CRACR2A: variants seen among roughly 807,000 people sequenced by gnomAD.
The protein encoded by CRACR2A is calcium release activated channel regulator 2A.
CRACR2A carries 79 observed loss-of-function variants against 90.5 expected under a neutral mutation model. The observed-to-expected ratio is 0.87, with a 90% CI of 0.73 to 1.05. CRACR2A has a LOEUF of 1.05. CRACR2A is among the 50% of genes least tolerant of loss of function. The probability of loss-of-function intolerance (pLI) is 0.00; values close to 1 mark genes in which losing one functional copy is unlikely to be tolerated. For missense variants in CRACR2A, 823 were observed against 897.2 expected, an observed-to-expected ratio of 0.92 and a Z score of 1.06; for synonymous variants, 338 against 356.7, an observed-to-expected ratio of 0.95 and a Z score of 0.59.
intron 18 of CRACR2A, among the ~76,000 whole-genome samples, chr12:3,617,835 G>A (rs951335944): frequency 2.6e-5 from 4 of 152,136 alleles, no homozygotes; most frequent in Admixed American, 1.3e-4. Flanking sequence ...GGACAGTTCT[G>A]TGGCTGTAGC....
At chr12:3,680,060 G>A (rs756214222) in intron 5 of CRACR2A, among the ~76,000 whole-genome samples, 178 bp downstream of exon 5, 7 of 152,302 alleles carry the variant, frequency 4.6e-5, no homozygotes, top group African/African-American at 1.2e-4. Flanking sequence ...CAGTTGAGAC[G>A]GGCATGTGAG....
At chr12:3,720,225 A>AAAAGAAAGAAAG (rs757788405) in intron 2 of CRACR2A, among the ~76,000 whole-genome samples, 1,776 of 125,518 alleles carry the variant, frequency 0.014, 28 homozygotes, top group East Asian at 0.024. Flanking sequence ...AGAAGAAAGA[A>AAAAGAAAGAAAG]AAAGAAAGAA....
rs758755969 is a variant in CRACR2A, at chr12:3,638,207, C to G, written c.1519G>C (p.Gly507Arg). The G allele has an allele frequency of 1.5e-5, 24 of 1,551,464 alleles. 1 individual carries two copies. The South Asian group carries it at 2.7e-4, about 18-fold the overall frequency. Reference sequence around the variant, plus strand: ...AAGGGTGGGGCCTCCGGGATTTGTCCCTGTACCCCCTGGTCAGAGACCTCT... The same window carrying G: ...AAGGGTGGGGCCTCCGGGATTTGTCGCTGTACCCCCTGGTCAGAGACCTCT... Reference protein sequence around the residue: ...EEEVSDQGVQGQIPEAPPLKL... With the variant: ...EEEVSDQGVQRQIPEAPPLKL... The change falls in exon 14 of 20, where the codon GGA becomes CGA. Residue 507 changes from glycine to arginine, a missense_variant. Transcript: ENST00000440314.
At chr12:3,683,224 T>C (rs959550069) in intron 4 of CRACR2A, among the ~76,000 whole-genome samples, 3 of 152,208 alleles carry the variant, frequency 2.0e-5, no homozygotes, top group African/African-American at 7.2e-5. Context: ...TGATTTTCCA[T>C]CCAGGGCTTG....
chr12:3,659,635 C>A lies in CRACR2A; in HGVS notation c.691G>T (p.Glu231Ter). ...ALKRKIAAYD[E>*]EIQHLYEEME... ...TCCTCATAGAGATGCTGGATTTCTTCATCATAAGCAGCAATTTTCCTACAG... is the reference window on the plus strand; with the variant it reads ...TCCTCATAGAGATGCTGGATTTCTTAATCATAAGCAGCAATTTTCCTACAG... Residue 231 changes from glutamate (E) to a stop codon, truncating the protein, a stop_gained, in exon 8 of 20, where the codon GAA becomes TAA. Transcript: ENST00000440314. LOFTEE classifies it high-confidence loss of function. 6.2e-7 allele frequency: 1 copy of A among 1,614,164 alleles called. No homozygotes were observed. The highest frequency in any genetic ancestry group is 8.5e-7 in the Non-Finnish European group (1 of 1,180,016).
chr12:3,616,421 C>T (rs1867684281), intron 19 of CRACR2A, among the ~76,000 whole-genome samples: 1 of 152,180 alleles, frequency 6.6e-6, no homozygotes, highest in African/African-American at 2.4e-5. Context: ...TTGGTGTAGG[C>T]AGGGCCTTAA....
At position 3,705,377 on chromosome 12, in the gene CRACR2A, C is replaced by A. The variant is rs1443517953; in HGVS notation, c.-37+7860G>T. ...CAATCAGAAAGTTCGTAGATCAAACCTAAATCCCTCCTAAGGGTTCTAAGC... is the reference window on the plus strand; with the variant it reads ...CAATCAGAAAGTTCGTAGATCAAACATAAATCCCTCCTAAGGGTTCTAAGC... On this transcript the variant is annotated intron_variant, in intron 3 of 19. Coordinates refer to ENST00000440314, the MANE Select transcript of CRACR2A (RefSeq NM_001144958.2). Among the ~76,000 whole-genome samples, 5 of 152,196 alleles carry A rather than the reference C, an allele frequency of 3.3e-5. 1 individual carries two copies. The highest frequency in any genetic ancestry group is 1.3e-4 in the Admixed American group (2 of 15,288).
At chr12:3,662,628 C>T (rs1287498167) in intron 7 of CRACR2A, among the ~76,000 whole-genome samples, 1 of 152,182 alleles carries the variant, frequency 6.6e-6, no homozygotes, top group African/African-American at 2.4e-5. Flanking sequence ...AAAAGGCCTG[C>T]TGGGTTTGGA....
chr12:3,632,034 G>A (rs1309991563), intron 15 of CRACR2A, among the ~76,000 whole-genome samples: 1 of 152,118 alleles, frequency 6.6e-6, no homozygotes, highest in Non-Finnish European at 1.5e-5. Context: ...GGGCCTGGAG[G>A]GAGGTGACTG....
chr12:3,747,270 T>A (rs1946640310), intron 1 of CRACR2A, among the ~76,000 whole-genome samples: 1 of 152,172 alleles, frequency 6.6e-6, no homozygotes, highest in Admixed American at 6.5e-5. Context: ...GGGAGGATGA[T>A]CATAACAGTG....
At chr12:3,644,462 G>A (rs1187274924) in intron 12 of CRACR2A, 133 bp downstream of exon 12, 6 of 940,440 alleles carry the variant, frequency 6.4e-6, no homozygotes, top group South Asian at 4.3e-5. Context: ...TTTGCAAAAC[G>A]TTTTCATGCC....
At chr12:3,620,802 A>C (rs1257404660) in intron 17 of CRACR2A, among the ~76,000 whole-genome samples, 1 of 152,268 alleles carries the variant, frequency 6.6e-6, no homozygotes, top group Non-Finnish European at 1.5e-5. Flanking sequence ...AGGCGCTACA[A>C]GATCTTACAG....
intron 3 of CRACR2A, among the ~76,000 whole-genome samples, chr12:3,712,555 G>A (rs929899980): frequency 5.9e-5 from 9 of 152,126 alleles, no homozygotes; most frequent in Non-Finnish European, 1.2e-4. Context: ...ACTATGGTAA[G>A]TACAGCACCA....
At chr12:3,735,870 C>T (rs775789798) in intron 1 of CRACR2A, among the ~76,000 whole-genome samples, 2 of 152,126 alleles carry the variant, frequency 1.3e-5, no homozygotes. Flanking sequence ...TCACAGCAGG[C>T]CTTCCTTGTG....
Position 3,619,308 on chromosome 12 carries a change from C to T in CRACR2A, c.1997G>A (p.Arg666Gln), listed in dbSNP as rs745311292. 1.2e-5 allele frequency: 18 copies of T among 1,551,540 alleles called. No homozygotes were observed. Among genetic ancestry groups the T allele is most frequent in the Middle Eastern group, 1.7e-4 (1 of 6,014 alleles). ...CTCTCCGAGGCCCCGGGGGACTTCC[C>T]GCTCCTTCTCGTTGTCAAGCTTATT... ...LGNKLDNEKE[R>Q]EVPRGLGEQL... The change falls in exon 18 of 20, where the codon CGG becomes CAG. Residue 666 changes from arginine (R) to glutamine (Q), a missense_variant. Transcript: ENST00000440314.
At position 3,615,417 on chromosome 12, in the gene CRACR2A, T is replaced by C. The variant is rs11062745; in HGVS notation, c.2134A>G (p.Thr712Ala). ...ACCTGAATGGTGTCCTCTCTCACTG[T>C]GTCTTCTTGCTCCTTGAGGAACCTG... ...LARFLKEQED[T>A]VREDTIQVGH... is the part of the protein sequence containing the mutation. The change falls in exon 20 of 20, where the codon ACA (threonine) becomes GCA (alanine). Residue 712 changes from threonine to alanine, a missense_variant. Coordinates refer to ENST00000440314, the MANE Select transcript of CRACR2A (RefSeq NM_001144958.2). 234,003 of 1,550,262 alleles carry C rather than the reference T, an allele frequency of 0.15. 19,260 individuals carry two copies. Among genetic ancestry groups the C allele is most frequent in the Non-Finnish European group, 0.17 (189,602 of 1,145,978 alleles).
chr12:3,706,751 C>T (rs562308754), intron 3 of CRACR2A, among the ~76,000 whole-genome samples: 2 of 152,266 alleles, frequency 1.3e-5, no homozygotes, highest in South Asian at 2.1e-4. Context: ...CAGGTGTGTG[C>T]CACCACGCCC....
intron 6 of CRACR2A, among the ~76,000 whole-genome samples, chr12:3,676,437 T>C (rs1019570922): frequency 2.0e-5 from 3 of 152,188 alleles, no homozygotes; most frequent in Middle Eastern, 3.2e-3. Flanking sequence ...TGTTTATATC[T>C]CCTACAAATT....
chr12:3,701,608 C>T (rs1945835201), intron 3 of CRACR2A, among the ~76,000 whole-genome samples: 5 of 152,012 alleles, frequency 3.3e-5, no homozygotes, highest in Admixed American at 2.6e-4. Context: ...AATACCACAG[C>T]TCACTCAAGG....
Sources: gnomAD v4.1 joint callset for allele counts (sites outside exome capture counted in the v4.1 genomes callset) on GRCh38, gnomAD v4.1.1 for gene constraint, MANE v1.5 for transcripts, NCBI Gene and HGNC (gene_info 2026-07-23, HGNC 2026-07-21) for gene names.